The following SETD1A variants were observed in gnomAD, a reference collection of about 807,000 sequenced individuals.
SETD1A encodes SET domain containing 1A, histone lysine methyltransferase.
In SETD1A, 29 loss-of-function variants were observed where a neutral mutation model predicts 149.9. The ratio of observed to expected loss-of-function variants is 0.19; its 90% CI spans 0.14 to 0.26. The LOEUF (loss-of-function observed/expected upper bound fraction) is 0.26, where lower values mean the gene tolerates loss of function less well. Among genes scored for constraint, SETD1A ranks in the 10% least tolerant of loss-of-function variants. SETD1A has a pLI of 1.00. For synonymous variants in SETD1A, 1,141 were observed against 968.5 expected (o/e 1.18, Z -3.31); for missense variants, 2,109 against 2,353.1 (o/e 0.90, Z 2.15).
rs769466073 is a variant in SETD1A at position 30,964,178 on chromosome 16, C to T, written c.724C>T (p.Pro242Ser). 4 of 1,614,060 alleles carry T rather than the reference C, an allele frequency of 2.5e-6. No homozygotes were observed. The highest frequency in any genetic ancestry group is 3.4e-6 in the Non-Finnish European group (4 of 1,179,976). Residue 242 changes from proline (P) to serine (S), a missense_variant, in exon 6 of 19, where the codon CCC becomes TCC. By Grantham distance (74) the Pro-to-Ser change is moderately conservative. Coordinates refer to ENST00000262519, the MANE Select transcript of SETD1A (RefSeq NM_014712.3). ...GGTGGGCACTCCTGGCAACGGCACCCCCTGCTCCCAGGACACAAGCTTCTC... is the reference window on the plus strand; with the variant it reads ...GGTGGGCACTCCTGGCAACGGCACCTCCTGCTCCCAGGACACAAGCTTCTC... ...TAVGTPGNGT[P>S]CSQDTSFSSS...
chr16:30,973,470 A>G lies in SETD1A; in HGVS notation c.3358+1751A>G, dbSNP rs549238278. ...GGAGTTCGAGACCGGCCTGATCAAC[A>G]TGGCGAAACCCCATCTCTACCAGAA... is the stretch of plus-strand genomic sequence containing the variant. On this transcript the variant is annotated intron_variant, in intron 13 of 18. Coordinates refer to ENST00000262519, the MANE Select transcript of SETD1A (RefSeq NM_014712.3). Among the ~76,000 whole-genome samples, 4 of 152,212 alleles carry G rather than the reference A, an allele frequency of 2.6e-5. No individual in the cohort carries two copies. The South Asian group carries it at 8.3e-4, about 32-fold the overall frequency.
Position 30,961,252 on chromosome 16 carries a change from C to G in SETD1A, c.247-15C>G. 1 of 1,613,914 alleles carries G rather than the reference C, an allele frequency of 6.2e-7. No individual in the cohort carries two copies. The highest frequency in any genetic ancestry group is 1.3e-5 in the African/African-American group (1 of 75,020). ...CAGTGTTGAGACCCCATACCAACTCCTGTTCTTTCCCCAGCTGGACGAGTT... is the reference window on the plus strand; with the variant it reads ...CAGTGTTGAGACCCCATACCAACTCGTGTTCTTTCCCCAGCTGGACGAGTT... On this transcript the variant is annotated splice_polypyrimidine_tract_variant and intron_variant, in intron 3 of 18. Coordinates refer to ENST00000262519, the MANE Select transcript of SETD1A (RefSeq NM_014712.3). This position sits in a 1 kb window ranked among gnomAD's most constrained non-coding sequence, Gnocchi z 4.0.
intron 13 of SETD1A, among the ~76,000 whole-genome samples, chr16:30,976,497 G>C (rs1022962786): frequency 9.2e-5 from 14 of 152,138 alleles, no homozygotes; most frequent in Non-Finnish European, 1.3e-4. Flanking sequence ...ATGAGGACCT[G>C]GGGCTGTGCT....
In SETD1A at chr16:30,983,866, A is replaced by G. The variant is rs2056418486; in HGVS notation, c.4967A>G (p.Lys1656Arg). 2 of 1,610,924 alleles carry G rather than the reference A, an allele frequency of 1.2e-6. No homozygotes were observed. Among genetic ancestry groups the G allele is most frequent in the Non-Finnish European group, 1.7e-6 (2 of 1,178,258 alleles). The change falls in exon 19 of 19, where the codon AAG (lysine) becomes AGG (arginine). Residue 1656 changes from lysine to arginine, a missense_variant. This residue lies in a region of SETD1A where 254 missense variants were observed against 409.3 expected (regional missense o/e 0.62). Coordinates refer to ENST00000262519, the MANE Select transcript of SETD1A (RefSeq NM_014712.3). This position sits in a 1 kb window ranked among gnomAD's most constrained non-coding sequence, Gnocchi z 6.8. ...NHCCTPNCYAKVITIESQKKI... is the reference protein window; with the variant it reads ...NHCCTPNCYARVITIESQKKI... ...CATCCGCAGCCTAACTGCTACGCCA[A>G]GGTCATCACCATCGAGTCCCAGAAG...
Position 30,979,998 on chromosome 16 carries a change from G to GCC in SETD1A, c.4216_4217dup (p.Pro1407HisfsTer19). ...CCCACGCCCGGCGCCGCCGCCCTCC[G>GCC]CCCCCACCCCCGCCGCCACCGCCCC... is the stretch of plus-strand genomic sequence containing the variant. On this transcript the variant is annotated frameshift_variant, in exon 14 of 19. Coordinates refer to ENST00000262519, the MANE Select transcript of SETD1A (RefSeq NM_014712.3). LOFTEE classifies it high-confidence loss of function. 9 of 481,344 alleles carry GCC rather than the reference G, an allele frequency of 1.9e-5. No individual in the cohort carries two copies. Among genetic ancestry groups the GCC allele is most frequent in the Non-Finnish European group, 2.6e-5 (8 of 311,914 alleles). The allele number at this position is 481,344 out of a possible 1,614,324, so 29.8% of individuals were successfully genotyped here.
At chr16:30,982,785 C>CA (rs2056397892) in intron 17 of SETD1A, among the ~76,000 whole-genome samples, 1 of 151,970 alleles carries the variant, frequency 6.6e-6, no homozygotes, top group South Asian at 2.1e-4. Context: ...GCAGAGGTGA[C>CA]AGAGAGGAGG....
Position 30,979,501 on chromosome 16 carries a change from C to T in SETD1A, c.3715C>T (p.Leu1239Phe). Residue 1239 changes from leucine to phenylalanine, a missense_variant, in exon 14 of 19, where the codon CTC becomes TTC. This residue lies in a region of SETD1A where 832 missense variants were observed against 815.6 expected (regional missense o/e 1.02). Transcript: ENST00000262519. ...GAGCCGGGCTGGAGGCCGAGGCCGC[C>T]TCACCGAGGAAGAGGAGGCTGAGCC... ...GRSRAGGRGR[L>F]TEEEEAEPGT... 2 of 1,604,436 alleles carry T rather than the reference C, an allele frequency of 1.2e-6. No homozygotes were observed. Among genetic ancestry groups the T allele is most frequent in the South Asian group, 1.1e-5 (1 of 90,276 alleles).
At chr16:30,969,507 A>G in intron 11 of SETD1A, 45 bp downstream of exon 11, 1 of 1,599,464 alleles carries the variant, frequency 6.3e-7, no homozygotes, top group Non-Finnish European at 8.5e-7. Context: ...TACTTCCCAT[A>G]GCCAGCATCT....
rs751542649 is a variant in SETD1A, at chr16:30,979,699, G to C, written c.3913G>C (p.Ala1305Pro). 1.2e-6 allele frequency: 2 copies of C among 1,604,254 alleles called. No individual in the cohort carries two copies. Among genetic ancestry groups the C allele is most frequent in the Non-Finnish European group, 1.7e-6 (2 of 1,179,214 alleles). ...HILLEHNYAL[A>P]VKPTPPAPAL... ...CCTCCTGGAGCACAACTATGCCCTGGCCGTCAAGCCCACGCCCCCTGCGCC... is the reference window on the plus strand; with the variant it reads ...CCTCCTGGAGCACAACTATGCCCTGCCCGTCAAGCCCACGCCCCCTGCGCC... Residue 1305 changes from alanine (A) to proline (P), a missense_variant, in exon 14 of 19, where the codon GCC becomes CCC. Transcript: ENST00000262519.
Position 30,983,884 on chromosome 16 carries a change from C to G in SETD1A, c.4985C>G (p.Ser1662Cys). The part of the protein sequence containing the change: ...NCYAKVITIE[S>C]QKKIVIYSKQ... Reference sequence around the variant, plus strand: ...TACGCCAAGGTCATCACCATCGAGTCCCAGAAGAAGATCGTGATCTACTCC... The same window carrying G: ...TACGCCAAGGTCATCACCATCGAGTGCCAGAAGAAGATCGTGATCTACTCC... Residue 1662 changes from serine to cysteine, a missense_variant, in exon 19 of 19, where the codon TCC becomes TGC. Ser to Cys is a moderately radical substitution (Grantham distance 112). Coordinates refer to ENST00000262519, the MANE Select transcript of SETD1A (RefSeq NM_014712.3). This position sits in a 1 kb window ranked among gnomAD's most constrained non-coding sequence, Gnocchi z 6.8. 5 of 1,611,858 alleles carry G rather than the reference C, an allele frequency of 3.1e-6. No individual in the cohort carries two copies. Among genetic ancestry groups the G allele is most frequent in the Non-Finnish European group, 4.2e-6 (5 of 1,178,876 alleles).
rs1453068291 is a variant in SETD1A, at chr16:30,983,946, G to A, written c.5047G>A (p.Asp1683Asn). The A allele has an allele frequency of 5.6e-6, 9 of 1,614,008 alleles. No individual in the cohort carries two copies. Among genetic ancestry groups the A allele is most frequent in the South Asian group, 2.2e-5 (2 of 91,078 alleles). ...PIGVDEEITYDYKFPLEDNKI... is the reference protein window; with the variant it reads ...PIGVDEEITYNYKFPLEDNKI... ...TGGCGTGGACGAGGAGATCACCTAC[G>A]ACTACAAGTTCCCACTGGAAGACAA... Residue 1683 changes from aspartate (D) to asparagine (N), a missense_variant, in exon 19 of 19, where the codon GAC (aspartate) becomes AAC (asparagine). By Grantham distance (23) the Asp-to-Asn change is conservative. This residue lies in a region of SETD1A where 254 missense variants were observed against 409.3 expected (regional missense o/e 0.62). Transcript: ENST00000262519. This position sits in a 1 kb window ranked among gnomAD's most constrained non-coding sequence, Gnocchi z 6.8.
Position 30,964,198 on chromosome 16 carries a change from C to G in SETD1A, c.744C>G (p.Ser248Arg), listed in dbSNP as rs761299901. 6.2e-7 allele frequency: 1 copy of G among 1,614,142 alleles called. No individual in the cohort carries two copies. The highest frequency in any genetic ancestry group is 8.5e-7 in the Non-Finnish European group (1 of 1,180,006). ...GCACCCCCTGCTCCCAGGACACAAG[C>G]TTCTCCAGCAGCCGACAAGATACCC... ...GNGTPCSQDT[S>R]FSSSRQDTPS... is the part of the protein sequence containing the mutation. The change falls in exon 6 of 19, where the codon AGC (serine) becomes AGG (arginine). Residue 248 changes from serine (S) to arginine (R), a missense_variant. Ser to Arg is a moderately radical substitution (Grantham distance 110, BLOSUM62 -1). Transcript: ENST00000262519.
rs1388238865 is a variant in SETD1A at position 30,980,206 on chromosome 16, G to A, written c.4408+12G>A. On this transcript the variant is annotated intron_variant, in intron 14 of 18. Coordinates refer to ENST00000262519, the MANE Select transcript of SETD1A (RefSeq NM_014712.3). This position sits in a 1 kb window ranked among gnomAD's most constrained non-coding sequence, Gnocchi z 7.7. ...GGTCCATCACACAAATATCCTGAGT[G>A]TGGGCGGCCTTCCCCGGGCTTGGGT... is the stretch of plus-strand genomic sequence containing the variant. 7 of 1,587,456 alleles carry A rather than the reference G, an allele frequency of 4.4e-6. No homozygotes were observed. The East Asian group carries it at 1.1e-4, about 26-fold the overall frequency.
Position 30,974,394 on chromosome 16 carries a change from T to TG in SETD1A, c.3358+2681dup, listed in dbSNP as rs549694447. Among the ~76,000 whole-genome samples, 348 of 150,768 alleles carry TG rather than the reference T, an allele frequency of 2.3e-3. 5 individuals carry two copies. In the Middle Eastern group the frequency reaches 0.024, roughly 10 times the overall value. ...TCACCTATAGACCCAGGTAGGCGAGTGGGGGGAGAGAAAGGGCAGAGCCTT... is the reference window on the plus strand; with the variant it reads ...TCACCTATAGACCCAGGTAGGCGAGTGGGGGGGAGAGAAAGGGCAGAGCCTT... On this transcript the variant is annotated intron_variant, in intron 13 of 18. Coordinates refer to ENST00000262519, the MANE Select transcript of SETD1A (RefSeq NM_014712.3).
At position 30,979,988 on chromosome 16, in the gene SETD1A, G is replaced by GCCCCCCCC; in HGVS notation, c.4204_4205insCCCCCCCC (p.Arg1402ProfsTer26). On this transcript the variant is annotated frameshift_variant, in exon 14 of 19. Transcript: ENST00000262519. LOFTEE classifies it high-confidence loss of function. The stretch of plus-strand genomic sequence containing the variant: ...AGCCTCCGCTCCCACGCCCGGCGCC[G>GCCCCCCCC]CCGCCCTCCGCCCCCACCCCCGCCG... 8 of 1,494,196 alleles carry GCCCCCCCC rather than the reference G, an allele frequency of 5.4e-6. No homozygotes were observed. The highest frequency in any genetic ancestry group is 5.3e-6 in the Non-Finnish European group (6 of 1,126,938). The allele number at this position is 1,494,196 out of a possible 1,614,324, so 92.6% of individuals were successfully genotyped here. A position where few individuals can be genotyped will look rare whatever the true frequency, so the allele number is the denominator to read the frequency against.
chr16:30,964,504 CTCT>C, intron 6 of SETD1A, 105 bp from the exon 7 acceptor site: 1 of 1,519,724 alleles, frequency 6.6e-7, no homozygotes, highest in South Asian at 1.3e-5. Context: ...CAACATATAG[CTCT>C]TCTTTTGGAG....
In SETD1A at chr16:30,979,217, C is replaced by A. The variant is rs1317416979; in HGVS notation, c.3431C>A (p.Ala1144Asp). 2.5e-6 allele frequency: 4 copies of A among 1,572,636 alleles called. No homozygotes were observed. Among genetic ancestry groups the A allele is most frequent in the Non-Finnish European group, 3.5e-6 (4 of 1,154,320 alleles). ...CCACCTGCTGGGCCCCCGGCCCCTG[C>A]CCCACGCCCCGATGAGCGTCCCTCT... ...PEPPAGPPAP[A>D]PRPDERPSSP... Residue 1144 changes from alanine (A) to aspartate (D), a missense_variant, in exon 14 of 19, where the codon GCC becomes GAC. Transcript: ENST00000262519.
Position 30,965,169 on chromosome 16 carries a change from C to T in SETD1A, c.1427C>T (p.Thr476Ile), listed in dbSNP as rs2143494231. ...ARSGSPAPET[T>I]NESVPFAQHS... ...TCTGGCTCCCCAGCCCCGGAGACCA[C>T]CAATGAGAGTGTGCCCTTCGCCCAG... The change falls in exon 7 of 19, where the codon ACC (threonine) becomes ATC (isoleucine). Residue 476 changes from threonine (T) to isoleucine (I), a missense_variant. Thr to Ile is a moderately conservative substitution (Grantham distance 89). Around this residue, in one of 8 missense-constraint regions of SETD1A, gnomAD observed 410 missense variants for 394.8 expected, o/e 1.04. Transcript: ENST00000262519. 6.2e-7 allele frequency: 1 copy of T among 1,613,906 alleles called. No homozygotes were observed. The highest frequency in any genetic ancestry group is 8.5e-7 in the Non-Finnish European group (1 of 1,180,038).
In SETD1A at chr16:30,979,953, C is replaced by G; in HGVS notation, c.4167C>G (p.Leu1389=). ...SSSSSDGEGA[L]RRRSLRSHAR... ...GCAGCAGCGATGGGGAGGGCGCCCT[C>G]CGGAGGCGCAGCCTCCGCTCCCACG... The change falls in exon 14 of 19, where the codon CTC becomes CTG. Residue 1389 remains leucine (L), a synonymous_variant. Transcript: ENST00000262519. 1 of 1,532,762 alleles carries G rather than the reference C, an allele frequency of 6.5e-7. No individual in the cohort carries two copies. The highest frequency in any genetic ancestry group is 8.7e-7 in the Non-Finnish European group (1 of 1,143,700). The allele number at this position is 1,532,762 out of a possible 1,614,324, so 94.9% of individuals were successfully genotyped here.
Sources: gnomAD v4.1 joint callset for allele counts (sites outside exome capture counted in the v4.1 genomes callset) on GRCh38, gnomAD v4.1.1 for gene constraint, gnomAD v4.1.1 regional missense constraint, Gnocchi (gnomAD v3.1) non-coding constraint, MANE v1.5 for transcripts, NCBI Gene and HGNC (gene_info 2026-07-23, HGNC 2026-07-21) for gene names.